The following C11orf65 variants were observed in gnomAD, a reference collection of about 807,000 sequenced individuals.
C11orf65 encodes chromosome 11 open reading frame 65, also known as protein MFI.
A neutral mutation model predicts 35.3 loss-of-function variants in C11orf65; 38 were observed. That is an observed-to-expected ratio of 1.08 (90% CI 0.83 to 1.41). The LOEUF is 1.41. C11orf65 is among the 40% of genes most tolerant of loss of function. The pLI is 0.00. For synonymous variants in C11orf65, 105 were observed against 114.4 expected, an observed-to-expected ratio of 0.92 and a Z score of 0.53; for missense variants, 370 against 367.1, an observed-to-expected ratio of 1.01 and a Z score of -0.06.
chr11:108,402,559 A>AT (rs10714374), intron 6 of C11orf65, among the ~76,000 whole-genome samples: 117 of 148,716 alleles, frequency 7.9e-4, no homozygotes, highest in Non-Finnish European at 1.3e-3. Context: ...CAGGTTTTTA[A>AT]TTTTTTTTTT....
At chr11:108,341,578 T>C (rs1348902426) in intron 2 of C11orf65, among the ~76,000 whole-genome samples, 1 of 152,122 alleles carries the variant, frequency 6.6e-6, no homozygotes, top group Non-Finnish European at 1.5e-5. Flanking sequence ...CACAAAACAG[T>C]TCAACATATG....
At chr11:108,428,646 T>C (rs1196007358) in intron 3 of C11orf65, among the ~76,000 whole-genome samples, 4 of 152,024 alleles carry the variant, frequency 2.6e-5, no homozygotes, top group Non-Finnish European at 5.9e-5. Context: ...GAACATCACA[T>C]ACTGGGGTCT....
chr11:108,376,857 T>C (rs1336853418), intron 2 of C11orf65, among the ~76,000 whole-genome samples: 11 of 151,154 alleles, frequency 7.3e-5, no homozygotes, highest in East Asian at 3.9e-4. Flanking sequence ...AACACCTCTA[T>C]GCAAATAAAC....
intron 3 of C11orf65, among the ~76,000 whole-genome samples, chr11:108,429,314 A>G (rs1423768940): frequency 1.3e-5 from 2 of 152,240 alleles, no homozygotes; most frequent in African/African-American, 4.8e-5. Context: ...TATAGATGAA[A>G]TAAGATTGGT....
At chr11:108,326,309 T>C (rs979127981) in intron 6 of C11orf65, 1 of 1,495,126 alleles carries the variant, frequency 6.7e-7, no homozygotes, top group African/African-American at 1.4e-5. Context: ...TTAATAACAA[T>C]TTTATTAGAG....
At chr11:108,357,336 A>G in intron 2 of C11orf65, among the ~76,000 whole-genome samples, 1 of 152,056 alleles carries the variant, frequency 6.6e-6, no homozygotes, top group Admixed American at 6.6e-5. Flanking sequence ...GCAGTCTGAG[A>G]TCAAACTGCA....
In C11orf65 at chr11:108,310,329, G is replaced by T. The variant is rs2136020496; in HGVS notation, c.641-1258C>A. 6.2e-7 allele frequency: 1 copy of T among 1,610,498 alleles called. No homozygotes were observed. The highest frequency in any genetic ancestry group is 8.5e-7 in the Non-Finnish European group (1 of 1,177,728). On this transcript the variant is annotated intron_variant, in intron 6 of 6. Transcript: ENST00000525729. ...TCAAGAGAAAAGGTAATGGAATTTAGAATTTTTGGTTTTTAAAATTAATGT... is the reference window on the plus strand; with the variant it reads ...TCAAGAGAAAAGGTAATGGAATTTATAATTTTTGGTTTTTAAAATTAATGT...
chr11:108,326,500 G>A (rs931245785), downstream of C11orf65, among the ~76,000 whole-genome samples: 2 of 152,196 alleles, frequency 1.3e-5, no homozygotes, highest in African/African-American at 2.4e-5. Flanking sequence ...AGAAAGGTAT[G>A]TGGGAAATGA....
intron 2 of C11orf65, among the ~76,000 whole-genome samples, chr11:108,354,526 A>G (rs897855884): frequency 3.3e-5 from 5 of 152,266 alleles, no homozygotes; most frequent in African/African-American, 1.2e-4. Flanking sequence ...TAATTGCCAC[A>G]ATAATCAAAG....
Position 108,406,822 on chromosome 11 carries a change from C to G in C11orf65, c.370G>C (p.Asp124His), listed in dbSNP as rs1405373895. ...HNKNDHLQEEDHSGWYHRIEN... is the reference protein window; with the variant it reads ...HNKNDHLQEEHHSGWYHRIEN... The stretch of plus-strand genomic sequence containing the variant: ...ATACGATGATACCAGCCACTATGAT[C>G]CTCTTCCTGAAGATGATCATTTTTA... The change falls in exon 5 of 9, where the codon GAT becomes CAT. Residue 124 changes from aspartate to histidine, a missense_variant. Physicochemically the swap from Asp to His is moderately conservative, Grantham distance 81. Coordinates refer to ENST00000393084, the MANE Select transcript of C11orf65 (RefSeq NM_152587.5). 6.2e-7 allele frequency: 1 copy of G among 1,613,272 alleles called. No homozygotes were observed. The highest frequency in any genetic ancestry group is 1.7e-5 in the Admixed American group (1 of 60,014).
intron 6 of C11orf65, among the ~76,000 whole-genome samples, chr11:108,313,624 A>C (rs1320227665): frequency 6.6e-6 from 1 of 152,124 alleles, no homozygotes; most frequent in Non-Finnish European, 1.5e-5. Context: ...TGCCTTCTTC[A>C]TAGGCTCCTC....
rs185557300 is a variant in C11orf65 at position 108,404,070 on chromosome 11, T to C, written c.560+1359A>G. ...CCCAGACCACTTGTCACCAATTTTC[T>C]AACCATGTTCTTTCCAAATCCCTGA... On this transcript the variant is annotated intron_variant, in intron 6 of 8. Coordinates refer to ENST00000393084, the MANE Select transcript of C11orf65 (RefSeq NM_152587.5). 3.1e-3 allele frequency among the ~76,000 whole-genome samples: 472 copies of C among 152,294 alleles called. 1 individual carries two copies. Among genetic ancestry groups the C allele is most frequent in the Admixed American group, 5.3e-3 (81 of 15,306 alleles).
At chr11:108,395,072 G>A (rs551853389) in intron 6 of C11orf65, among the ~76,000 whole-genome samples, 3 of 151,886 alleles carry the variant, frequency 2.0e-5, no homozygotes, top group Non-Finnish European at 2.9e-5. Context: ...TCAAGGCTGC[G>A]GTCAGCTATG....
chr11:108,379,699 GGT>G (rs2091824652), downstream of C11orf65, among the ~76,000 whole-genome samples: 1 of 151,510 alleles, frequency 6.6e-6, no homozygotes, highest in Admixed American at 6.6e-5. Flanking sequence ...CCTTACTCAG[GGT>G]TAGCCTGCTA....
chr11:108,363,560 G>A (rs762857920), intron 2 of C11orf65, among the ~76,000 whole-genome samples: 38 of 152,192 alleles, frequency 2.5e-4, no homozygotes, highest in Admixed American at 5.2e-4. Context: ...GATGAGGATA[G>A]TATTGGCATC....
At chr11:108,446,125 G>C (rs972532098) in intron 2 of C11orf65, among the ~76,000 whole-genome samples, 3 of 152,114 alleles carry the variant, frequency 2.0e-5, no homozygotes, top group Non-Finnish European at 2.9e-5. Context: ...AGAAATATGG[G>C]ACTACGTGAA....
In C11orf65 at chr11:108,316,725, C is replaced by T. The variant is rs534274798; in HGVS notation, c.641-7654G>A. ...GAGGTCCAGACCATCCTGGCTAACA[C>T]GGTGAAACCCCGTCTCTACTAAAAA... On this transcript the variant is annotated intron_variant, in intron 6 of 6. Transcript: ENST00000525729. Among the ~76,000 whole-genome samples the T allele has an allele frequency of 5.6e-3, 727 of 130,214 alleles. 12 individuals carry two copies. The highest frequency in any genetic ancestry group is 0.02 in the African/African-American group (677 of 34,162). The allele number at this position is 130,214 out of a possible 152,430, so 85.4% of individuals were successfully genotyped here.
At chr11:108,392,074 G>A (rs574353023) in intron 7 of C11orf65, among the ~76,000 whole-genome samples, 1 of 151,858 alleles carries the variant, frequency 6.6e-6, no homozygotes, top group South Asian at 2.1e-4. Flanking sequence ...GTGTGTGTGT[G>A]TCTCGCTCTG....
chr11:108,396,175 C>A (rs1271777439), intron 6 of C11orf65, among the ~76,000 whole-genome samples: 1 of 152,098 alleles, frequency 6.6e-6, no homozygotes, highest in Non-Finnish European at 1.5e-5. Flanking sequence ...TCACTGTAAC[C>A]TCTGCCTCCT....
Sources: gnomAD v4.1 joint callset for allele counts (sites outside exome capture counted in the v4.1 genomes callset) on GRCh38, gnomAD v4.1.1 for gene constraint, MANE v1.5 for transcripts, NCBI Gene and HGNC (gene_info 2026-07-23, HGNC 2026-07-21) for gene names.